Variants in TYW1B observed in about 807,000 individuals in gnomAD.
The protein encoded by TYW1B is tRNA-yW synthesizing protein 1 homolog B.
TYW1B carries 73 observed loss-of-function variants against 86.9 expected under a neutral mutation model. The observed-to-expected ratio is 0.84, with a 90% CI of 0.70 to 1.02. The LOEUF is 1.02. TYW1B is among the 50% of genes least tolerant of loss of function. TYW1B has a pLI of 0.00. For missense variants in TYW1B, 637 were observed against 827.4 expected, an observed-to-expected ratio of 0.77 and a Z score of 2.82; for synonymous variants, 248 against 292.8, an observed-to-expected ratio of 0.85 and a Z score of 1.56.
intron 7 of TYW1B, among the ~76,000 whole-genome samples, chr7:72,770,859 A>G (rs1787854576): frequency 6.6e-6 from 1 of 152,064 alleles, no homozygotes; most frequent in Non-Finnish European, 1.5e-5. Flanking sequence ...TGCATGTTAC[A>G]TGATATGACA....
intron 7 of TYW1B, among the ~76,000 whole-genome samples, chr7:72,773,014 T>G (rs1302342021): frequency 6.6e-6 from 1 of 152,238 alleles, no homozygotes; most frequent in Non-Finnish European, 1.5e-5. Context: ...AACTCATCTC[T>G]GATACCAAAT....
intron 12 of TYW1B, among the ~76,000 whole-genome samples, chr7:72,627,761 C>T (rs1554439128): frequency 1.3e-5 from 2 of 152,062 alleles, no homozygotes; most frequent in African/African-American, 4.8e-5. Flanking sequence ...ACATGCACCC[C>T]TGAATTTAAT....
At chr7:72,631,332 G>C (rs544159485) in intron 11 of TYW1B, among the ~76,000 whole-genome samples, 52 of 152,162 alleles carry the variant, frequency 3.4e-4, no homozygotes, top group African/African-American at 1.3e-3. Context: ...GGTCAACGTG[G>C]TGAAACCCCG....
chr7:72,751,284 C>T (rs906425069), intron 7 of TYW1B, among the ~76,000 whole-genome samples: 2 of 152,214 alleles, frequency 1.3e-5, no homozygotes, highest in African/African-American at 2.4e-5. Context: ...GTGATCCACC[C>T]GCCTCGGCCT....
chr7:72,575,297 C>T lies in TYW1B; in HGVS notation c.*201G>A, dbSNP rs1810995526. On this transcript the variant is annotated 3_prime_UTR_variant, in exon 14 of 14. Coordinates refer to ENST00000620995, the MANE Select transcript of TYW1B (RefSeq NM_001145440.3). The stretch of plus-strand genomic sequence containing the variant: ...GTAAAATCAGGAAAGGGGCTGAGTT[C>T]TGAAAAGAAACATCGGGGCTGTGGC... 1 of 1,409,866 alleles carries T rather than the reference C, an allele frequency of 7.1e-7. No homozygotes were observed. Among genetic ancestry groups the T allele is most frequent in the African/African-American group, 1.4e-5 (1 of 69,350 alleles). The allele number at this position is 1,409,866 out of a possible 1,614,324, so 87.3% of individuals were successfully genotyped here. A position where few individuals can be genotyped will look rare whatever the true frequency, so the allele number is the denominator to read the frequency against.
At chr7:72,764,928 A>G (rs1259243261) in intron 7 of TYW1B, among the ~76,000 whole-genome samples, 3 of 152,200 alleles carry the variant, frequency 2.0e-5, no homozygotes, top group Admixed American at 6.5e-5. Flanking sequence ...GTGAACAAAG[A>G]TGGAACCATT....
intron 10 of TYW1B, among the ~76,000 whole-genome samples, chr7:72,702,835 T>TA (rs200511464): frequency 1.2e-4 from 18 of 151,554 alleles, no homozygotes; most frequent in Admixed American, 5.3e-4. Context: ...TTTCCACAGG[T>TA]AAAAAAAAGT....
intron 13 of TYW1B, among the ~76,000 whole-genome samples, chr7:72,614,414 C>T (rs1718227076): frequency 1.3e-5 from 2 of 152,158 alleles, no homozygotes; most frequent in African/African-American, 4.8e-5. Context: ...AGGCGTATCA[C>T]TTGGGGTCAG....
intron 7 of TYW1B, among the ~76,000 whole-genome samples, chr7:72,771,815 C>G (rs1265182867): frequency 4.6e-5 from 7 of 150,776 alleles, no homozygotes; most frequent in African/African-American, 1.7e-4. Flanking sequence ...CTATATGTAT[C>G]TAATAATATA....
At chr7:72,625,804 A>AAAT (rs1217126998) in intron 12 of TYW1B, among the ~76,000 whole-genome samples, 18 of 143,802 alleles carry the variant, frequency 1.3e-4, no homozygotes, top group Admixed American at 3.6e-4. Flanking sequence ...TTTCTTTAAA[A>AAAT]AATGTTGACT....
Position 72,575,067 on chromosome 7 carries a change from G to T in TYW1B, c.*431C>A. On this transcript the variant is annotated 3_prime_UTR_variant, in exon 14 of 14. Coordinates refer to ENST00000620995, the MANE Select transcript of TYW1B (RefSeq NM_001145440.3). ...ATCTTAGAAAGCACAGACACGTTTAGCTCAGGGTAGTGCAATTCAATGCTA... is the reference window on the plus strand; with the variant it reads ...ATCTTAGAAAGCACAGACACGTTTATCTCAGGGTAGTGCAATTCAATGCTA... 1 of 1,015,182 alleles carries T rather than the reference G, an allele frequency of 9.9e-7. No homozygotes were observed. The highest frequency in any genetic ancestry group is 1.2e-6 in the Non-Finnish European group (1 of 847,680). The allele number at this position is 1,015,182 out of a possible 1,614,324, so 62.9% of individuals were successfully genotyped here. A position where few individuals can be genotyped will look rare whatever the true frequency, so the allele number is the denominator to read the frequency against.
chr7:72,645,776 C>T (rs1585872706), intron 11 of TYW1B, among the ~76,000 whole-genome samples: 1 of 151,890 alleles, frequency 6.6e-6, no homozygotes, highest in East Asian at 1.9e-4. Flanking sequence ...AGGGGAGGGG[C>T]TGATGACCAG....
chr7:72,676,008 A>G (rs529775458), intron 11 of TYW1B, among the ~76,000 whole-genome samples: 3 of 152,188 alleles, frequency 2.0e-5, no homozygotes, highest in Non-Finnish European at 4.4e-5. Flanking sequence ...AGGAAAAATG[A>G]TAACTTTAGG....
rs368484542 is a variant in TYW1B, at chr7:72,811,491, T to C, written c.238-826A>G. Among the ~76,000 whole-genome samples, 837 of 151,950 alleles carry C rather than the reference T, an allele frequency of 5.5e-3. 8 individuals carry two copies. Among genetic ancestry groups the C allele is most frequent in the Non-Finnish European group, 7.6e-3 (513 of 67,942 alleles). On this transcript the variant is annotated intron_variant, in intron 3 of 13. Transcript: ENST00000620995. ...ACGAGGAATGTGGTGACCTTGCTTA[T>C]CCAATAAGAGTTGTATTTGGTGTTT...
intron 12 of TYW1B, among the ~76,000 whole-genome samples, chr7:72,625,042 G>C (rs1554438533): frequency 6.9e-6 from 1 of 145,864 alleles, no homozygotes; most frequent in Admixed American, 6.9e-5. Context: ...CTGGGAGACA[G>C]AGTAAGAACC....
intron 11 of TYW1B, among the ~76,000 whole-genome samples, chr7:72,647,744 G>A (rs1175669653): frequency 6.6e-6 from 1 of 151,894 alleles, no homozygotes; most frequent in Admixed American, 6.6e-5. Context: ...GAATGTAATG[G>A]TGCCATCATA....
chr7:72,637,707 C>A (rs1181460476), intron 11 of TYW1B, among the ~76,000 whole-genome samples: 1 of 148,014 alleles, frequency 6.8e-6, no homozygotes, highest in African/African-American at 2.5e-5. Flanking sequence ...AAAAAAAAAA[C>A]ATTGTGGGTA....
intron 10 of TYW1B, among the ~76,000 whole-genome samples, chr7:72,710,842 G>A (rs1406754319): frequency 6.6e-6 from 1 of 152,172 alleles, no homozygotes; most frequent in Admixed American, 6.6e-5. Flanking sequence ...AGCTGACTCT[G>A]TGTGTGCGAA....
intron 6 of TYW1B, among the ~76,000 whole-genome samples, chr7:72,801,322 C>A (rs1456835042): frequency 1.8e-4 from 27 of 152,014 alleles, no homozygotes; most frequent in Admixed American, 1.7e-3. Flanking sequence ...GAATGAGACT[C>A]CATTTCAAAA....
Sources: gnomAD v4.1 joint callset for allele counts (sites outside exome capture counted in the v4.1 genomes callset) on GRCh38, gnomAD v4.1.1 for gene constraint, MANE v1.5 for transcripts, NCBI Gene and HGNC (gene_info 2026-07-23, HGNC 2026-07-21) for gene names.